THRAP3: variants seen among roughly 807,000 people sequenced by gnomAD.
The protein encoded by THRAP3 is thyroid hormone receptor-associated protein 3.
Under a neutral mutation model 101.0 loss-of-function variants are expected in THRAP3, and 16 were observed. The ratio of observed to expected loss-of-function variants is 0.16; its 90% CI spans 0.11 to 0.24. The LOEUF is 0.24. Among genes scored for constraint, THRAP3 ranks in the 10% least tolerant of loss-of-function variants. THRAP3 has a pLI of 1.00. For synonymous variants in THRAP3, 407 were observed against 422.6 expected (o/e 0.96, Z 0.45); for missense variants, 989 against 1,202.7 (o/e 0.82, Z 2.63).
the THRAP3 span, among the ~76,000 whole-genome samples, chr1:36,215,193 C>T: frequency 1.3e-5 from 2 of 152,040 alleles, no homozygotes; most frequent in Non-Finnish European, 2.9e-5. Flanking sequence ...CACTGCACTC[C>T]AGCCTGGGCG....
At chr1:36,295,504 C>T (rs1645933773) in intron 8 of THRAP3, among the ~76,000 whole-genome samples, 1 of 150,514 alleles carries the variant, frequency 6.6e-6, no homozygotes, top group Non-Finnish European at 1.5e-5. Context: ...GCAAAACATA[C>T]CTTCATAGCT....
At chr1:36,252,125 T>G (rs913564152) in intron 1 of THRAP3, among the ~76,000 whole-genome samples, 6 of 152,178 alleles carry the variant, frequency 3.9e-5, no homozygotes, top group African/African-American at 1.4e-4. Flanking sequence ...TTATTTTTAT[T>G]TTTATTTATT....
At chr1:36,229,499 A>G (rs1048827896) in intron 1 of THRAP3, among the ~76,000 whole-genome samples, 1 of 148,840 alleles carries the variant, frequency 6.7e-6, no homozygotes, top group African/African-American at 2.5e-5. Flanking sequence ...TGTCTAGAAG[A>G]TAGGGGCTGG....
Position 36,271,471 on chromosome 1 carries a change from C to T in THRAP3, c.-31-11062C>T, listed in dbSNP as rs182346332. On this transcript the variant is annotated intron_variant, in intron 2 of 11. Coordinates refer to ENST00000354618, the MANE Select transcript of THRAP3 (RefSeq NM_005119.4). ...CTAATTCTTGTATTTTTAGTGGAGA[C>T]GGGGTTTCACCATGTTGGTCAGGCT... Among the ~76,000 whole-genome samples, 121 of 151,784 alleles carry T rather than the reference C, an allele frequency of 8.0e-4. 1 individual carries two copies. The highest frequency in any genetic ancestry group is 6.4e-3 in the Admixed American group (98 of 15,226).
chr1:36,276,489 A>T (rs1645662000), intron 2 of THRAP3, among the ~76,000 whole-genome samples: 1 of 147,168 alleles, frequency 6.8e-6, no homozygotes, highest in Non-Finnish European at 1.5e-5. Flanking sequence ...GTGCCACTGC[A>T]CTCCAGCCTG....
At chr1:36,299,218 A>G (rs1359813576) in intron 9 of THRAP3, among the ~76,000 whole-genome samples, 2 of 152,014 alleles carry the variant, frequency 1.3e-5, no homozygotes, top group Non-Finnish European at 2.9e-5. Flanking sequence ...AGGTGGGTGG[A>G]GCATGAGGTC....
In THRAP3 at chr1:36,274,088, A is replaced by AGTGT. The variant is rs1557437749; in HGVS notation, c.-31-8445_-31-8444insGTGT. On this transcript the variant is annotated intron_variant, in intron 2 of 11. Transcript: ENST00000354618. ...GTGTGTGTGTGTGTCACACACACACACACACACACACACACACACAGACAA... is the reference window on the plus strand; with the variant it reads ...GTGTGTGTGTGTGTCACACACACACAGTGTCACACACACACACACACACAGACAA... 6.5e-3 allele frequency among the ~76,000 whole-genome samples: 924 copies of AGTGT among 141,678 alleles called. 12 individuals are homozygous for AGTGT. The highest frequency in any genetic ancestry group is 0.025 in the African/African-American group (863 of 34,136). The allele number at this position is 141,678 out of a possible 152,430, so 92.9% of individuals were successfully genotyped here.
At chr1:36,212,401 TTTTCTTTTCTTTC>T in the THRAP3 span, among the ~76,000 whole-genome samples, 1 of 151,234 alleles carries the variant, frequency 6.6e-6, no homozygotes, top group Non-Finnish European at 1.5e-5. Flanking sequence ...GCTTTTCTTT[TTTTCTTTTCTTTC>T]TTTCTTTTTT....
chr1:36,264,509 A>G (rs1645487587), intron 2 of THRAP3, among the ~76,000 whole-genome samples: 1 of 152,200 alleles, frequency 6.6e-6, no homozygotes, highest in African/African-American at 2.4e-5. Context: ...TGACTTGTCC[A>G]TTTAGGACTG....
At chr1:36,245,267 A>G (rs555568148) in intron 1 of THRAP3, among the ~76,000 whole-genome samples, 102 of 151,660 alleles carry the variant, frequency 6.7e-4, no homozygotes, top group African/African-American at 2.4e-3. Context: ...CCCAGGTTCA[A>G]GCGATTCTCC....
rs1198965818 is a variant in THRAP3 at position 36,289,773 on chromosome 1, T to C, written c.1745+9T>C. 2.5e-6 allele frequency: 4 copies of C among 1,584,678 alleles called. No homozygotes were observed. Among genetic ancestry groups the C allele is most frequent in the East Asian group, 4.5e-5 (2 of 44,756 alleles). On this transcript the variant is annotated intron_variant, in intron 5 of 11. Transcript: ENST00000354618. ...GATGAGGACCTCGCACGGTGAGATA[T>C]GCTCCTTCTTGATCCTCAGTGCTTT...
chr1:36,222,103 C>T (rs780156321), upstream of THRAP3, among the ~76,000 whole-genome samples: 6 of 152,094 alleles, frequency 3.9e-5, no homozygotes, highest in Non-Finnish European at 5.9e-5. Context: ...TGAGCCACTG[C>T]GCCTGGCCTT....
intron 2 of THRAP3, among the ~76,000 whole-genome samples, chr1:36,279,663 A>G (rs1429987689): frequency 6.6e-6 from 1 of 152,128 alleles, no homozygotes; most frequent in African/African-American, 2.4e-5. Flanking sequence ...TCTTTTACTC[A>G]TCACCTTTTG....
At position 36,287,106 on chromosome 1, in the gene THRAP3, G is replaced by A. The variant is rs768748683; in HGVS notation, c.876G>A (p.Gly292=). Residue 292 remains glycine (G), a synonymous_variant, in exon 4 of 12, where the codon GGG becomes GGA. Transcript: ENST00000354618. ...QMGSTLPSGA[G]YQSGTHQGQF... is the part of the protein sequence containing the mutation. ...GCTCAACTCTGCCGAGTGGTGCCGGGTATCAGTCTGGGACACACCAAGGTC... is the reference window on the plus strand; with the variant it reads ...GCTCAACTCTGCCGAGTGGTGCCGGATATCAGTCTGGGACACACCAAGGTC... 1.2e-6 allele frequency: 2 copies of A among 1,614,132 alleles called. No individual in the cohort carries two copies. The highest frequency in any genetic ancestry group is 1.7e-5 in the Admixed American group (1 of 60,018).
intron 1 of THRAP3, among the ~76,000 whole-genome samples, chr1:36,230,746 C>G (rs1262711182): frequency 1.3e-5 from 2 of 152,150 alleles, no homozygotes; most frequent in East Asian, 3.9e-4. Context: ...TTTTCAACCT[C>G]TGCCTAAAAA....
chr1:36,285,759 A>G (rs1645786978), intron 3 of THRAP3, among the ~76,000 whole-genome samples: 1 of 152,186 alleles, frequency 6.6e-6, no homozygotes, highest in Non-Finnish European at 1.5e-5. Context: ...GATTTTAGTA[A>G]GTTCTTTTAA....
intron 5 of THRAP3, among the ~76,000 whole-genome samples, chr1:36,290,473 G>GC (rs1267305947): frequency 2.0e-5 from 3 of 150,228 alleles, no homozygotes; most frequent in African/African-American, 4.9e-5. Context: ...ACAGGCGTGA[G>GC]CACCGCACCC....
the THRAP3 span, among the ~76,000 whole-genome samples, chr1:36,213,933 AAGAAAGAAAGAAAGAAAG>A: frequency 9.2e-5 from 12 of 130,932 alleles, no homozygotes; most frequent in African/African-American, 4.0e-4. Flanking sequence ...GAAAGAAAGA[AAGAAAGAAAGAAAGAAAG>A]AAAGAAAGAA....
the THRAP3 span, among the ~76,000 whole-genome samples, chr1:36,218,250 T>C: frequency 6.6e-6 from 1 of 150,788 alleles, no homozygotes; most frequent in Non-Finnish European, 1.5e-5. Flanking sequence ...GCACCTGTAG[T>C]CCCAGCTACT....
Sources: allele counts gnomAD v4.1 joint callset (sites outside exome capture counted in the v4.1 genomes callset), GRCh38; gene constraint gnomAD v4.1.1; transcripts MANE v1.5; gene names NCBI Gene and HGNC (gene_info 2026-07-23, HGNC 2026-07-21).